The following OSBPL2 variants were observed in gnomAD, a reference collection of about 807,000 sequenced individuals.
The protein encoded by OSBPL2 is oxysterol-binding protein-related protein 2.
In OSBPL2, 18 loss-of-function variants were observed where a neutral mutation model predicts 58.4. The ratio of observed to expected loss-of-function variants is 0.31; its 90% CI spans 0.21 to 0.46. OSBPL2 has a LOEUF of 0.46. OSBPL2 is among the 20% of genes least tolerant of loss of function. OSBPL2 has a pLI of 1.00. For synonymous variants in OSBPL2, 221 were observed against 234.1 expected (o/e 0.94, Z 0.51); for missense variants, 461 against 616.5 (o/e 0.75, Z 2.67).
Position 62,273,387 on chromosome 20 carries a change from G to A in OSBPL2, c.472G>A (p.Glu158Lys), listed in dbSNP as rs962707389. Residue 158 changes from glutamate to lysine, a missense_variant, in exon 6 of 14, where the codon GAA becomes AAA. By Grantham distance (56) the Glu-to-Lys change is moderately conservative. Coordinates refer to ENST00000313733, the MANE Select transcript of OSBPL2 (RefSeq NM_144498.4). ...TGKPFNPLLG[E>K]TYELIREDLG... ...CAAACCATTTAATCCACTCTTGGGA[G>A]AAACGTATGAATTAATCAGGTAAGG... 3.1e-6 allele frequency: 5 copies of A among 1,601,398 alleles called. No individual in the cohort carries two copies. The highest frequency in any genetic ancestry group is 4.3e-6 in the Non-Finnish European group (5 of 1,176,298).
chr20:62,276,387 C>G (rs893870164), intron 6 of OSBPL2, among the ~76,000 whole-genome samples: 6 of 152,212 alleles, frequency 3.9e-5, no homozygotes, highest in African/African-American at 1.4e-4. Context: ...GTTAGTAGTA[C>G]AAGCTTTCCT....
Position 62,286,404 on chromosome 20 carries a change from C to G in OSBPL2, c.997-179C>G, listed in dbSNP as rs895015792. ...GGCAGAGGTTGCAGTGACCCGAGAT[C>G]GCACCATTGCACTCCAGCCTGGGCA... On this transcript the variant is annotated intron_variant, in intron 10 of 13. Transcript: ENST00000313733. 8.0e-6 allele frequency: 5 copies of G among 626,656 alleles called. No individual in the cohort carries two copies. The Admixed American group carries it at 1.0e-4, about 13-fold the overall frequency. The allele number at this position is 626,656 out of a possible 1,614,324, so 38.8% of individuals were successfully genotyped here.
intron 8 of OSBPL2, chr20:62,281,495 G>A (rs1982779735): frequency 4.0e-6 from 2 of 499,904 alleles, no homozygotes; most frequent in Non-Finnish European, 7.2e-6. Context: ...ATTCCTGGAA[G>A]CTCATGACTG....
At chr20:62,250,519 G>A (rs1346701536) in intron 1 of OSBPL2, among the ~76,000 whole-genome samples, 1 of 152,208 alleles carries the variant, frequency 6.6e-6, no homozygotes, top group African/African-American at 2.4e-5. Context: ...CAGTTGTCCA[G>A]CTAAGCTTGT....
rs546434365 is a variant in OSBPL2 at position 62,277,910 on chromosome 20, C to A, written c.492-1247C>A. Among the ~76,000 whole-genome samples the A allele has an allele frequency of 8.5e-5, 13 of 152,300 alleles. No individual in the cohort carries two copies. In the South Asian group the frequency reaches 2.5e-3, roughly 29 times the overall value. On this transcript the variant is annotated intron_variant, in intron 6 of 13. Transcript: ENST00000313733. ...TATTTTGGGGTATAAGCCATTCCAT[C>A]TCGGAAATTTCAGGGGCCTTGTAGA...
At chr20:62,279,825 G>A in intron 7 of OSBPL2, 1 of 471,416 alleles carries the variant, frequency 2.1e-6, no homozygotes. Flanking sequence ...GCAGGGCACT[G>A]CCTCCCACAG....
At chr20:62,289,482 T>C in intron 12 of OSBPL2, 152 bp downstream of exon 12, 1 of 889,930 alleles carries the variant, frequency 1.1e-6, no homozygotes, top group Non-Finnish European at 1.7e-6. Context: ...CTGCAGGCCT[T>C]CTAACTAGGC....
intron 1 of OSBPL2, among the ~76,000 whole-genome samples, chr20:62,249,222 C>A (rs1268281934): frequency 6.6e-6 from 1 of 151,930 alleles, no homozygotes; most frequent in Non-Finnish European, 1.5e-5. Context: ...CCCCCAACCC[C>A]CCAAAAAAAA....
intron 2 of OSBPL2, among the ~76,000 whole-genome samples, chr20:62,258,073 A>G (rs1002328111): frequency 3.9e-5 from 6 of 152,094 alleles, no homozygotes; most frequent in African/African-American, 1.4e-4. Flanking sequence ...GCTGTGTGTG[A>G]TGTGGTACTC....
rs1421514111 is a variant in OSBPL2, at chr20:62,294,237, A to G, written c.*350A>G. On this transcript the variant is annotated 3_prime_UTR_variant, in exon 14 of 14. Coordinates refer to ENST00000313733, the MANE Select transcript of OSBPL2 (RefSeq NM_144498.4). ...TGTGTAGCTAAAGGAAGTAATGGGA[A>G]GGGGTTCATGTTCTCTTTATAATGC... is the stretch of plus-strand genomic sequence containing the variant. 1 of 301,702 alleles carries G rather than the reference A, an allele frequency of 3.3e-6. No homozygotes were observed. The highest frequency in any genetic ancestry group is 6.1e-6 in the Non-Finnish European group (1 of 162,880). The allele number at this position is 301,702 out of a possible 1,614,324, so 18.7% of individuals were successfully genotyped here.
chr20:62,272,313 A>G (rs1982116406), intron 5 of OSBPL2, 54 bp downstream of exon 5: 1 of 1,590,234 alleles, frequency 6.3e-7, no homozygotes, highest in Non-Finnish European at 8.6e-7. Context: ...TGCCCCTTGC[A>G]TGTCTGGCCA....
intron 6 of OSBPL2, 87 bp from the exon 7 acceptor site, chr20:62,279,070 T>G: frequency 8.6e-7 from 1 of 1,165,902 alleles, no homozygotes; most frequent in Non-Finnish European, 1.2e-6. Context: ...CCCAGCGTCC[T>G]GTGAGGGGCT....
chr20:62,269,273 G>A lies in OSBPL2; in HGVS notation c.259-2852G>A, dbSNP rs1339691815. ...ACCTAGCTTATTGGACTGGCGCCCT[G>A]TTGTTGGACATACGGGTCATTTCTG... On this transcript the variant is annotated intron_variant, in intron 4 of 13. Coordinates refer to ENST00000313733, the MANE Select transcript of OSBPL2 (RefSeq NM_144498.4). This position sits in a 1 kb window ranked among gnomAD's most constrained non-coding sequence, Gnocchi z 4.2. Among the ~76,000 whole-genome samples the A allele has an allele frequency of 6.6e-6, 1 of 152,190 alleles. No homozygotes were observed. Among genetic ancestry groups the A allele is most frequent in the African/African-American group, 2.4e-5 (1 of 41,436 alleles).
At chr20:62,252,082 C>T (rs1980594519) in intron 1 of OSBPL2, among the ~76,000 whole-genome samples, 1 of 151,138 alleles carries the variant, frequency 6.6e-6, no homozygotes, top group Admixed American at 6.6e-5. Flanking sequence ...TGAGGTTTTG[C>T]AATGTTGCCC....
At chr20:62,289,528 C>G (rs900700454) in intron 12 of OSBPL2, among the ~76,000 whole-genome samples, 198 bp downstream of exon 12, 4 of 152,242 alleles carry the variant, frequency 2.6e-5, no homozygotes, top group Non-Finnish European at 5.9e-5. Context: ...CTTTAAAGAT[C>G]TCTCGCCTGC....
chr20:62,285,743 T>C (rs4925366), intron 10 of OSBPL2: 149,536 of 152,842 alleles, frequency 0.98, 73,224 homozygotes, highest in Non-Finnish European at 1. Flanking sequence ...CTCCATGAAG[T>C]GCTGTTTCGC....
intron 12 of OSBPL2, among the ~76,000 whole-genome samples, 177 bp downstream of exon 12, chr20:62,289,507 G>A (rs999511311): frequency 6.6e-6 from 1 of 152,254 alleles, no homozygotes; most frequent in African/African-American, 2.4e-5. Context: ...CAGACCGTCT[G>A]TGGTGAAGGG....
chr20:62,287,199 A>G (rs897598411), intron 11 of OSBPL2, among the ~76,000 whole-genome samples: 29 of 147,264 alleles, frequency 2.0e-4, no homozygotes, highest in African/African-American at 7.3e-4. Flanking sequence ...TATTAAATAT[A>G]TGATAAACTA....
At chr20:62,250,360 C>G (rs555345758) in intron 1 of OSBPL2, among the ~76,000 whole-genome samples, 14 of 152,306 alleles carry the variant, frequency 9.2e-5, no homozygotes, top group African/African-American at 3.1e-4. Context: ...TTGGAATTCA[C>G]TGTCGCACAT....
Sources: allele counts gnomAD v4.1 joint callset (sites outside exome capture counted in the v4.1 genomes callset), GRCh38; gene constraint gnomAD v4.1.1; non-coding constraint Gnocchi (gnomAD v3.1); transcripts MANE v1.5; gene names NCBI Gene and HGNC (gene_info 2026-07-23, HGNC 2026-07-21).